Variants in UBXN4 observed in about 807,000 individuals in gnomAD.
UBXN4 encodes UBX domain-containing protein 4.
UBXN4 carries 35 observed loss-of-function variants against 66.2 expected under a neutral mutation model. The observed-to-expected ratio is 0.53, with a 90% CI of 0.40 to 0.70. The LOEUF (loss-of-function observed/expected upper bound fraction) is 0.70, where lower values mean the gene tolerates loss of function less well. Among genes scored for constraint, UBXN4 ranks in the 30% least tolerant of loss-of-function variants. UBXN4 has a pLI of 0.00. For missense variants in UBXN4, 533 were observed against 599.8 expected (o/e 0.89, Z 1.16); for synonymous variants, 203 against 204.5 (o/e 0.99, Z 0.06).
chr2:135,754,965 G>A (rs1010610954), intron 4 of UBXN4, among the ~76,000 whole-genome samples: 1 of 151,728 alleles, frequency 6.6e-6, no homozygotes, highest in African/African-American at 2.4e-5. Context: ...TGCATTTTTA[G>A]TAGAGACGGA....
At chr2:135,772,322 CTT>C (rs2077387981) in intron 8 of UBXN4, 96 bp from the exon 9 acceptor site, 2 of 1,452,694 alleles carry the variant, frequency 1.4e-6, no homozygotes, top group African/African-American at 1.4e-5. Context: ...GACCCTGTCT[CTT>C]AATAAAAAAA....
At position 135,741,951 on chromosome 2, in the gene UBXN4, A is replaced by G. The variant is rs1032874036; in HGVS notation, c.22A>G (p.Ile8Val). MLWFQGAIPAAIATAKRS... is the reference protein window; with the variant it reads MLWFQGAVPAAIATAKRS... Reference sequence around the variant, plus strand: ...AGCGATGCTGTGGTTCCAGGGCGCCATTCCGGCCGCCATCGCGACGGCCAA... The same window carrying G: ...AGCGATGCTGTGGTTCCAGGGCGCCGTTCCGGCCGCCATCGCGACGGCCAA... The change falls in exon 1 of 13, where the codon ATT (isoleucine) becomes GTT (valine). Residue 8 changes from isoleucine to valine, a missense_variant. Physicochemically the swap from Ile to Val is conservative, Grantham distance 29 (BLOSUM62 3). Around this residue, in one of 2 missense-constraint regions of UBXN4, gnomAD observed 529 missense variants for 580.1 expected, o/e 0.91. Transcript: ENST00000272638. 11 of 1,613,052 alleles carry G rather than the reference A, an allele frequency of 6.8e-6. No individual in the cohort carries two copies. The highest frequency in any genetic ancestry group is 7.6e-6 in the Non-Finnish European group (9 of 1,179,624).
intron 1 of UBXN4, among the ~76,000 whole-genome samples, 170 bp downstream of exon 1, chr2:135,742,181 G>T (rs1388542042): frequency 6.6e-6 from 1 of 152,164 alleles, no homozygotes; most frequent in Non-Finnish European, 1.5e-5. Flanking sequence ...TCCGCCGCCA[G>T]ATCCCCCAGA....
chr2:135,768,683 C>G (rs1221761504), intron 6 of UBXN4, among the ~76,000 whole-genome samples: 1 of 151,964 alleles, frequency 6.6e-6, no homozygotes, highest in Admixed American at 6.6e-5. Context: ...CCTGTCTCAG[C>G]CTCCCGAGTA....
chr2:135,778,869 T>C, intron 10 of UBXN4, 79 bp from the exon 11 acceptor site: 2 of 1,383,982 alleles, frequency 1.4e-6, no homozygotes, highest in South Asian at 1.8e-5. Flanking sequence ...CAATGTTAAT[T>C]AAAGCATCAT....
chr2:135,749,674 TCA>T (rs1290027777), intron 2 of UBXN4, among the ~76,000 whole-genome samples: 3 of 152,222 alleles, frequency 2.0e-5, no homozygotes, highest in Non-Finnish European at 4.4e-5. Context: ...TATTAATACT[TCA>T]CAAACTAATA....
intron 7 of UBXN4, among the ~76,000 whole-genome samples, 155 bp downstream of exon 7, chr2:135,769,978 T>C (rs2077373329): frequency 6.6e-6 from 1 of 152,220 alleles, no homozygotes. Context: ...AGTAGAGTCA[T>C]AGTATATACA....
Position 135,761,892 on chromosome 2 carries a change from C to G in UBXN4, c.583C>G (p.Leu195Val). The G allele has an allele frequency of 6.2e-7, 1 of 1,613,256 alleles. No homozygotes were observed. The highest frequency in any genetic ancestry group is 1.3e-5 in the African/African-American group (1 of 75,000). The change falls in exon 6 of 13, where the codon CTC becomes GTC. Residue 195 changes from leucine to valine, a missense_variant. This residue lies in a region of UBXN4 where 529 missense variants were observed against 580.1 expected (regional missense o/e 0.91). Coordinates refer to ENST00000272638, the MANE Select transcript of UBXN4 (RefSeq NM_014607.4). Reference sequence around the variant, plus strand: ...CTCAGATCAGAGACCTGCAGAGGACCTCAACATCCGAGTGGAAAGGTTTGC... The same window carrying G: ...CTCAGATCAGAGACCTGCAGAGGACGTCAACATCCGAGTGGAAAGGTTTGC... Reference protein sequence around the residue: ...GCSDQRPAEDLNIRVERLTKK... With the variant: ...GCSDQRPAEDVNIRVERLTKK...
intron 10 of UBXN4, 150 bp from the exon 11 acceptor site, chr2:135,778,798 C>T: frequency 1.2e-6 from 1 of 844,978 alleles, no homozygotes; most frequent in Non-Finnish European, 1.7e-6. Flanking sequence ...TGCTTAGGGG[C>T]TGGAAGCACA....
chr2:135,745,102 C>T (rs1258849119), intron 1 of UBXN4, among the ~76,000 whole-genome samples: 6 of 152,204 alleles, frequency 3.9e-5, no homozygotes, highest in Admixed American at 2.0e-4. Context: ...CAAGCCTAAA[C>T]GTGTAAGTGC....
intron 1 of UBXN4, chr2:135,742,603 G>C (rs2077182810): frequency 6.6e-6 from 1 of 152,402 alleles, no homozygotes. Flanking sequence ...AGGTAGGAAC[G>C]GGCCATTAGG....
intron 9 of UBXN4, among the ~76,000 whole-genome samples, chr2:135,773,037 CA>C (rs78669415): frequency 0.037 from 2,982 of 80,024 alleles, 39 homozygotes; most frequent in African/African-American, 0.13. Context: ...ACTCCGTCCC[CA>C]AAAAAAAAAA....
chr2:135,779,691 A>C (rs1417432330), intron 11 of UBXN4, among the ~76,000 whole-genome samples: 1 of 151,788 alleles, frequency 6.6e-6, no homozygotes, highest in Non-Finnish European at 1.5e-5. Flanking sequence ...TTCTTATAAA[A>C]GTTTAATATT....
chr2:135,774,958 A>G (rs76295935), intron 9 of UBXN4, among the ~76,000 whole-genome samples: 4,860 of 152,296 alleles, frequency 0.032, 237 homozygotes, highest in African/African-American at 0.11. Flanking sequence ...TGACTCAATT[A>G]TAAAGACACC....
Position 135,772,422 on chromosome 2 carries a change from C to T in UBXN4, c.825C>T (p.Asp275=), listed in dbSNP as rs1231598236. Residue 275 remains aspartate (D), a splice_region_variant and synonymous_variant, in exon 9 of 13, where the codon GAC becomes GAT. Transcript: ENST00000272638. The stretch of plus-strand genomic sequence containing the variant: ...TGGTATTTAATGATGTTTTAAAGGA[C>T]CGTGCAGAGAGAGCTGCTCGTTTTG... ...RERIKQQIAL[D]RAERAARFAK... The T allele has an allele frequency of 1.2e-6, 2 of 1,613,634 alleles. No homozygotes were observed. Among genetic ancestry groups the T allele is most frequent in the African/African-American group, 1.3e-5 (1 of 74,900 alleles).
intron 2 of UBXN4, among the ~76,000 whole-genome samples, chr2:135,749,380 A>G (rs997022368): frequency 4.6e-5 from 7 of 152,172 alleles, no homozygotes; most frequent in African/African-American, 9.7e-5. Context: ...CCACAAGTCT[A>G]TTTTGTTTCT....
intron 1 of UBXN4, among the ~76,000 whole-genome samples, chr2:135,745,943 T>C (rs2077205326): frequency 7.6e-6 from 1 of 131,762 alleles, no homozygotes. Context: ...AGTGGTGCAA[T>C]CTCGGCTCAC....
At position 135,769,968 on chromosome 2, in the gene UBXN4, A is replaced by G. The variant is rs2077373246; in HGVS notation, c.657+145A>G. The G allele has an allele frequency of 9.1e-6, 5 of 547,280 alleles. 1 individual carries two copies. The South Asian group carries it at 1.4e-4, about 15-fold the overall frequency. 33.9% of individuals were successfully genotyped at this position (547,280 alleles called of 1,614,324 possible). On this transcript the variant is annotated intron_variant, in intron 7 of 12. Transcript: ENST00000272638. ...TATGAAGATAATTCCTGTTTTCTCT[A>G]GTAGAGTCATAGTATATACATTTTT...
chr2:135,747,154 TG>T (rs2077211969), intron 1 of UBXN4, among the ~76,000 whole-genome samples: 1 of 150,746 alleles, frequency 6.6e-6, no homozygotes, highest in Non-Finnish European at 1.5e-5. Context: ...TAAATTGTCC[TG>T]GCCAACATAG....
Sources: gnomAD v4.1 joint callset for allele counts (sites outside exome capture counted in the v4.1 genomes callset) on GRCh38, gnomAD v4.1.1 for gene constraint, gnomAD v4.1.1 regional missense constraint, MANE v1.5 for transcripts, NCBI Gene and HGNC (gene_info 2026-07-23, HGNC 2026-07-21) for gene names.